Variants in SLC35D4 observed in about 807,000 individuals in gnomAD.
SLC35D4 encodes the protein solute carrier family 35 member D4, also known as UDP-N-acetylglucosamine transporter SLC35D4.
chr18:23,304,148 G>A, the SLC35D4 span, among the ~76,000 whole-genome samples: 1 of 150,940 alleles, frequency 6.6e-6, no homozygotes, highest in African/African-American at 2.4e-5. Flanking sequence ...ACGGTGGCGG[G>A]CACCTGTGGT....
chr18:23,437,914 C>G, the SLC35D4 span: 2 of 1,545,356 alleles, frequency 1.3e-6, no homozygotes, highest in Non-Finnish European at 1.8e-6. Flanking sequence ...GGCCGCCGCC[C>G]GACCCCCGCA....
the SLC35D4 span, among the ~76,000 whole-genome samples, chr18:23,274,839 G>A: frequency 6.6e-6 from 1 of 152,230 alleles, no homozygotes; most frequent in Non-Finnish European, 1.5e-5. Context: ...CTTTAACTTA[G>A]GCCTGGAGCA....
At chr18:23,275,622 CTGTGCTGTGCT>C in the SLC35D4 span, among the ~76,000 whole-genome samples, 4 of 143,490 alleles carry the variant, frequency 2.8e-5, no homozygotes, top group African/African-American at 1.0e-4. Context: ...CTGTGCTGTG[CTGTGCTGTGCT>C]GTGCTGTGCT....
At chr18:23,351,530 T>C in the SLC35D4 span, among the ~76,000 whole-genome samples, 95 of 152,212 alleles carry the variant, frequency 6.2e-4, no homozygotes, top group African/African-American at 2.2e-3. Context: ...CTTCAACCCA[T>C]AAAACACAAA....
At chr18:23,341,040 C>T in the SLC35D4 span, among the ~76,000 whole-genome samples, 9 of 152,318 alleles carry the variant, frequency 5.9e-5, no homozygotes, top group African/African-American at 1.9e-4. Context: ...CTTCCTTTCA[C>T]GTCTACACAC....
chr18:23,313,415 G>A, the SLC35D4 span, among the ~76,000 whole-genome samples: 1 of 151,986 alleles, frequency 6.6e-6, no homozygotes, highest in East Asian at 1.9e-4. Context: ...GGAGCCCCCT[G>A]TGACTCTGGA....
the SLC35D4 span, among the ~76,000 whole-genome samples, chr18:23,371,931 TTTTG>T: frequency 6.3e-4 from 13 of 20,496 alleles, no homozygotes; most frequent in African/African-American, 1.9e-3. Flanking sequence ...TCCTTGTTTT[TTTTG>T]TTTTTTTTTT....
chr18:23,316,150 G>A, the SLC35D4 span, among the ~76,000 whole-genome samples: 1 of 152,200 alleles, frequency 6.6e-6, no homozygotes, highest in Non-Finnish European at 1.5e-5. Context: ...CAAGGCTCCA[G>A]AATGACTTCC....
the SLC35D4 span, among the ~76,000 whole-genome samples, chr18:23,404,180 T>C: frequency 6.6e-6 from 1 of 152,216 alleles, no homozygotes; most frequent in African/African-American, 2.4e-5. Context: ...AGTTTATTAT[T>C]ACAGCAATAA....
chr18:23,307,519 T>C, the SLC35D4 span, among the ~76,000 whole-genome samples: 4 of 152,360 alleles, frequency 2.6e-5, no homozygotes, highest in Admixed American at 2.6e-4. Flanking sequence ...GCTTCATTCT[T>C]GTCCTCATGT....
the SLC35D4 span, chr18:23,296,150 G>A: frequency 6.6e-6 from 1 of 152,108 alleles, no homozygotes; most frequent in Non-Finnish European, 1.5e-5. Flanking sequence ...GTAGGTGACA[G>A]GTTGATGGGT....
At chr18:23,265,044 C>A in the SLC35D4 span, among the ~76,000 whole-genome samples, 4 of 152,182 alleles carry the variant, frequency 2.6e-5, no homozygotes, top group African/African-American at 9.7e-5. Context: ...CCAAACATCT[C>A]CCACCAGGCC....
chr18:23,275,311 C>T, the SLC35D4 span, among the ~76,000 whole-genome samples: 1 of 152,140 alleles, frequency 6.6e-6, no homozygotes, highest in Non-Finnish European at 1.5e-5. Context: ...TGCTCTGATT[C>T]CAGCTTACCT....
chr18:23,283,037 C>T, the SLC35D4 span, among the ~76,000 whole-genome samples: 1 of 151,574 alleles, frequency 6.6e-6, no homozygotes, highest in Non-Finnish European at 1.5e-5. Context: ...TACCCCCTAC[C>T]TTTTGGAATT....
At chr18:23,418,834 C>T in the SLC35D4 span, among the ~76,000 whole-genome samples, 1 of 151,576 alleles carries the variant, frequency 6.6e-6, no homozygotes, top group African/African-American at 2.4e-5. Flanking sequence ...GGTTAAACCC[C>T]GTCTCTACTA....
At chr18:23,333,164 A>G in the SLC35D4 span, among the ~76,000 whole-genome samples, 4 of 152,248 alleles carry the variant, frequency 2.6e-5, no homozygotes, top group African/African-American at 9.6e-5. Context: ...TTCTTAAAAA[A>G]GCCCAACTAT....
At chr18:23,243,693 C>T in the SLC35D4 span, among the ~76,000 whole-genome samples, 7 of 151,556 alleles carry the variant, frequency 4.6e-5, no homozygotes, top group Non-Finnish European at 1.0e-4. Context: ...GCCAACATGG[C>T]AAAACCGTCT....
At chr18:23,350,628 CCCACTAGA>C in the SLC35D4 span, among the ~76,000 whole-genome samples, 38 of 152,106 alleles carry the variant, frequency 2.5e-4, no homozygotes, top group African/African-American at 9.2e-4. Context: ...TATTAAGTCC[CCCACTAGA>C]CCACTGGTCC....
chr18:23,257,932 C>CG, the SLC35D4 span: 2 of 152,280 alleles, frequency 1.3e-5, no homozygotes, highest in African/African-American at 4.8e-5. Context: ...GAGCCAGTCC[C>CG]GCCCTTTACA....
Sources: allele counts gnomAD v4.1 joint callset (sites outside exome capture counted in the v4.1 genomes callset), GRCh38; gene constraint gnomAD v4.1.1; transcripts MANE v1.5; gene names NCBI Gene and HGNC (gene_info 2026-07-23, HGNC 2026-07-21).